Variants in CNTNAP2 observed in about 807,000 individuals in gnomAD.
The protein encoded by CNTNAP2 is contactin-associated protein-like 2.
In CNTNAP2, 98 loss-of-function variants were observed where a neutral mutation model predicts 155.2. That is an observed-to-expected ratio of 0.63 (90% CI 0.54 to 0.75). The LOEUF (loss-of-function observed/expected upper bound fraction) is 0.75, where lower values mean the gene tolerates loss of function less well. CNTNAP2 is among the 30% of genes least tolerant of loss of function. The pLI is 0.00. For synonymous variants in CNTNAP2, 651 were observed against 631.2 expected, an observed-to-expected ratio of 1.03 and a Z score of -0.47; for missense variants, 1,727 against 1,688.1, an observed-to-expected ratio of 1.02 and a Z score of -0.40.
At chr7:147,946,666 C>T (rs979450648) in intron 14 of CNTNAP2, among the ~76,000 whole-genome samples, 6 of 151,898 alleles carry the variant, frequency 4.0e-5, no homozygotes, top group African/African-American at 1.5e-4. Flanking sequence ...TGAAGTCAAG[C>T]AGAAGAGTAC....
rs1803680581 is a variant in CNTNAP2 at position 146,839,641 on chromosome 7, A to C, written c.209-70A>C. 5 of 1,524,566 alleles carry C rather than the reference A, an allele frequency of 3.3e-6. No individual in the cohort carries two copies. In the South Asian group the frequency reaches 5.7e-5, roughly 17 times the overall value. The allele number at this position is 1,524,566 out of a possible 1,614,324, so 94.4% of individuals were successfully genotyped here. On this transcript the variant is annotated intron_variant, in intron 2 of 23. Transcript: ENST00000361727. ...CAAGACCAATTAAGATATGTAGAAT[A>C]TTCCATTGTCAGTTGTACAAGTTCA... is the stretch of plus-strand genomic sequence containing the variant.
chr7:148,297,192 G>GGAAGGAAGGAAA (rs1281878291), intron 21 of CNTNAP2, among the ~76,000 whole-genome samples: 3 of 150,872 alleles, frequency 2.0e-5, no homozygotes, highest in Admixed American at 2.0e-4. Flanking sequence ...AAGGAAGGAA[G>GGAAGGAAGGAAA]GAAGGAAGGA....
At chr7:147,216,821 A>T (rs1439354282) in intron 8 of CNTNAP2, among the ~76,000 whole-genome samples, 2 of 152,010 alleles carry the variant, frequency 1.3e-5, no homozygotes, top group African/African-American at 4.8e-5. Context: ...AACATACATT[A>T]TCTATCCATC....
chr7:146,153,065 T>C (rs929148115), intron 1 of CNTNAP2, among the ~76,000 whole-genome samples: 3 of 152,188 alleles, frequency 2.0e-5, no homozygotes, highest in African/African-American at 7.2e-5. Context: ...AGTTGCATCA[T>C]AGTAAAATCA....
chr7:146,981,118 A>G (rs34364829), intron 3 of CNTNAP2, among the ~76,000 whole-genome samples: 241 of 152,316 alleles, frequency 1.6e-3, no homozygotes, highest in Non-Finnish European at 3.0e-3. Context: ...AATGATGGGC[A>G]GTGACCCATC....
chr7:146,534,642 A>G (rs1797819553), intron 1 of CNTNAP2, among the ~76,000 whole-genome samples: 1 of 152,174 alleles, frequency 6.6e-6, no homozygotes, highest in Admixed American at 6.5e-5. Context: ...GGGGCTTCAT[A>G]TGTTGTAAAA....
intron 1 of CNTNAP2, among the ~76,000 whole-genome samples, chr7:146,313,808 G>A (rs1198527154): frequency 6.6e-6 from 1 of 152,060 alleles, no homozygotes; most frequent in Admixed American, 6.6e-5. Flanking sequence ...AGACCAGCCT[G>A]GCCAACATGC....
At chr7:148,345,048 G>A (rs755399663) in intron 21 of CNTNAP2, among the ~76,000 whole-genome samples, 4 of 152,228 alleles carry the variant, frequency 2.6e-5, no homozygotes, top group East Asian at 1.9e-4. Context: ...GGGCCACATG[G>A]TGAGGTGGAC....
chr7:147,390,639 T>C (rs1205032397), intron 9 of CNTNAP2, among the ~76,000 whole-genome samples: 1 of 152,006 alleles, frequency 6.6e-6, no homozygotes, highest in Non-Finnish European at 1.5e-5. Context: ...CCATGGCTTT[T>C]AGGCTGGCTT....
intron 10 of CNTNAP2, among the ~76,000 whole-genome samples, chr7:147,417,624 C>T (rs185688651): frequency 6.6e-6 from 1 of 152,292 alleles, no homozygotes; most frequent in Admixed American, 6.5e-5. Flanking sequence ...GGAAAACTTC[C>T]TTTCCTTTTC....
At chr7:146,531,138 A>G (rs1295121432) in intron 1 of CNTNAP2, among the ~76,000 whole-genome samples, 2 of 152,176 alleles carry the variant, frequency 1.3e-5, no homozygotes, top group African/African-American at 2.4e-5. Flanking sequence ...CAAATACCAC[A>G]TGTTCTCACT....
intron 12 of CNTNAP2, among the ~76,000 whole-genome samples, chr7:147,608,189 A>G (rs571079383): frequency 7.0e-6 from 1 of 141,966 alleles, no homozygotes; most frequent in Non-Finnish European, 1.5e-5. Context: ...TAGAATAATT[A>G]TTATCTTACT....
intron 1 of CNTNAP2, among the ~76,000 whole-genome samples, chr7:146,769,754 T>C (rs1333771941): frequency 6.6e-6 from 1 of 152,306 alleles, no homozygotes; most frequent in African/African-American, 2.4e-5. Context: ...AGATAGTAAA[T>C]AGTTTAGTTT....
At chr7:146,690,278 G>C (rs2129171459) in intron 1 of CNTNAP2, among the ~76,000 whole-genome samples, 1 of 152,228 alleles carries the variant, frequency 6.6e-6, no homozygotes. Flanking sequence ...TACATAAAGA[G>C]GAGACATACG....
chr7:147,391,569 T>G (rs564230218), intron 9 of CNTNAP2, among the ~76,000 whole-genome samples: 3 of 152,186 alleles, frequency 2.0e-5, no homozygotes, highest in Non-Finnish European at 4.4e-5. Context: ...AAAAGGCACA[T>G]CCACAATTAT....
intron 22 of CNTNAP2, among the ~76,000 whole-genome samples, chr7:148,401,894 G>A (rs776258777): frequency 3.9e-5 from 6 of 152,132 alleles, no homozygotes; most frequent in African/African-American, 7.2e-5. Flanking sequence ...CACTGTGCCC[G>A]GCCTAATGAG....
chr7:147,481,002 T>C (rs749142512), intron 10 of CNTNAP2, among the ~76,000 whole-genome samples: 1 of 152,314 alleles, frequency 6.6e-6, no homozygotes, highest in South Asian at 2.1e-4. Context: ...ACAGCAGTTA[T>C]TCTGATACAC....
At chr7:147,944,829 G>T (rs939196530) in intron 14 of CNTNAP2, among the ~76,000 whole-genome samples, 3 of 152,084 alleles carry the variant, frequency 2.0e-5, no homozygotes, top group African/African-American at 7.2e-5. Flanking sequence ...AATGTTGGCT[G>T]AGTTATGTTT....
intron 21 of CNTNAP2, among the ~76,000 whole-genome samples, chr7:148,283,259 G>GAAAGAAAGAAAGA (rs1563024604): frequency 2.0e-4 from 8 of 39,132 alleles, no homozygotes; most frequent in Middle Eastern, 0.021. Flanking sequence ...AAAAAAAAAA[G>GAAAGAAAGAAAGA]AAAGAAAGAA....
Sources: allele counts gnomAD v4.1 joint callset (sites outside exome capture counted in the v4.1 genomes callset), GRCh38; gene constraint gnomAD v4.1.1; transcripts MANE v1.5; gene names NCBI Gene and HGNC (gene_info 2026-07-23, HGNC 2026-07-21).